ZBTB20: variants seen among roughly 807,000 people sequenced by gnomAD.
The protein encoded by ZBTB20 is zinc finger and BTB domain-containing protein 20.
ZBTB20 carries 9 observed loss-of-function variants against 56.9 expected under a neutral mutation model. The ratio of observed to expected loss-of-function variants is 0.16; its 90% CI spans 0.10 to 0.28. ZBTB20 has a LOEUF of 0.28. ZBTB20 is among the 10% of genes least tolerant of loss of function. ZBTB20 has a pLI of 1.00. For synonymous variants in ZBTB20, 417 were observed against 420.7 expected (o/e 0.99, Z 0.11); for missense variants, 655 against 1,003.0 (o/e 0.65, Z 4.69).
chr3:114,686,704 C>G (rs1005681658), intron 6 of ZBTB20, among the ~76,000 whole-genome samples: 3 of 152,100 alleles, frequency 2.0e-5, no homozygotes, highest in African/African-American at 7.2e-5. Context: ...TCTGAATCCT[C>G]GAAAAACCAC....
At chr3:114,576,172 A>T (rs1397714912) in intron 6 of ZBTB20, among the ~76,000 whole-genome samples, 2 of 152,046 alleles carry the variant, frequency 1.3e-5, no homozygotes, top group African/African-American at 4.8e-5. Flanking sequence ...GTTACAGAAT[A>T]CTCGACTACT....
intron 5 of ZBTB20, among the ~76,000 whole-genome samples, chr3:114,695,618 T>C (rs1056526396): frequency 8.0e-5 from 12 of 150,104 alleles, no homozygotes; most frequent in African/African-American, 2.9e-4. Flanking sequence ...TGTTCTAAGT[T>C]TTTTTTTTTT....
At chr3:115,023,079 T>A (rs1324697522) in intron 2 of ZBTB20, among the ~76,000 whole-genome samples, 1 of 150,846 alleles carries the variant, frequency 6.6e-6, no homozygotes, top group Non-Finnish European at 1.5e-5. Context: ...AGTGTTCTCT[T>A]GGAGTTAGAA....
intron 7 of ZBTB20, among the ~76,000 whole-genome samples, chr3:114,458,728 G>GTT (rs78333698): frequency 6.8e-6 from 1 of 146,094 alleles, no homozygotes; most frequent in African/African-American, 2.5e-5. Flanking sequence ...TACTTGACAG[G>GTT]TTTTTTTTTT....
intron 6 of ZBTB20, among the ~76,000 whole-genome samples, chr3:114,539,636 T>TA (rs2048883459): frequency 1.3e-5 from 2 of 152,196 alleles, no homozygotes; most frequent in African/African-American, 4.8e-5. Flanking sequence ...CCTACATACT[T>TA]ACTGCTTTTC....
At position 114,351,438 on chromosome 3, in the gene ZBTB20, C is replaced by T. The variant is rs781599341; in HGVS notation, c.640G>A (p.Gly214Ser). The T allele has an allele frequency of 6.2e-7, 1 of 1,613,412 alleles. No individual in the cohort carries two copies. Among genetic ancestry groups the T allele is most frequent in the Non-Finnish European group, 8.5e-7 (1 of 1,180,002 alleles). The change falls in exon 11 of 12, where the codon GGC becomes AGC. Residue 214 changes from glycine to serine, a missense_variant. Coordinates refer to ENST00000675478, the MANE Select transcript of ZBTB20 (RefSeq NM_001348800.3). Reference protein sequence around the residue: ...IQDSGQDTPRGTPESGTSGQS... With the variant: ...IQDSGQDTPRSTPESGTSGQS... ...CCTGACGTGCCTGACTCGGGAGTGC[C>T]CCGCGGCGTGTCCTGGCCCGAGTCC... is the stretch of plus-strand genomic sequence containing the variant.
In ZBTB20 at chr3:114,337,156, C is replaced by G. The variant is rs1481637343; in HGVS notation, c.*1849G>C. The G allele has an allele frequency of 6.6e-6, 1 of 152,114 alleles. No homozygotes were observed. Among genetic ancestry groups the G allele is most frequent in the Non-Finnish European group, 1.5e-5 (1 of 68,034 alleles). 9.4% of individuals were successfully genotyped at this position (152,114 alleles called of 1,614,324 possible). A position where few individuals can be genotyped will look rare whatever the true frequency, so the allele number is the denominator to read the frequency against. On this transcript the variant is annotated 3_prime_UTR_variant, in exon 12 of 12. Coordinates refer to ENST00000675478, the MANE Select transcript of ZBTB20 (RefSeq NM_001348800.3). ...CCTTTCGAAGAAGCAAGGGTTAATT[C>G]GTCATCTAAAGAATGATCATCTTAT...
rs950432106 is a variant in ZBTB20 at position 114,939,411 on chromosome 3, T to C, written c.-456+34955A>G. ...CTTATATTTTAAGTAAAATTGAAAA[T>C]AGAGATAAAATATGGTATAACTTTT... On this transcript the variant is annotated intron_variant, in intron 3 of 11. Coordinates refer to ENST00000675478, the MANE Select transcript of ZBTB20 (RefSeq NM_001348800.3). Among the ~76,000 whole-genome samples the C allele has an allele frequency of 8.0e-4, 117 of 146,282 alleles. 7 individuals carry two copies. Among genetic ancestry groups the C allele is most frequent in the Admixed American group, 7.7e-3 (116 of 15,158 alleles).
intron 3 of ZBTB20, among the ~76,000 whole-genome samples, chr3:114,935,931 G>A (rs1483079176): frequency 6.6e-6 from 1 of 152,098 alleles, no homozygotes; most frequent in Non-Finnish European, 1.5e-5. Flanking sequence ...AGATCATAAT[G>A]AGCATCTATC....
At chr3:114,480,874 T>C (rs563172114) in intron 7 of ZBTB20, among the ~76,000 whole-genome samples, 9 of 152,202 alleles carry the variant, frequency 5.9e-5, no homozygotes, top group Non-Finnish European at 8.8e-5. Flanking sequence ...AATATTATCA[T>C]TTTCCATTTT....
intron 2 of ZBTB20, among the ~76,000 whole-genome samples, chr3:115,005,433 T>C (rs1290365496): frequency 6.6e-6 from 1 of 151,768 alleles, no homozygotes; most frequent in Non-Finnish European, 1.5e-5. Context: ...ACAGTTTATA[T>C]CTGACTAGAT....
At chr3:115,031,166 C>T (rs966394889) in intron 2 of ZBTB20, among the ~76,000 whole-genome samples, 2 of 151,444 alleles carry the variant, frequency 1.3e-5, no homozygotes, top group African/African-American at 2.4e-5. Context: ...ATCAAAAGAA[C>T]AGCTTCGGCT....
intron 1 of ZBTB20, among the ~76,000 whole-genome samples, chr3:115,088,607 T>A (rs1168912336): frequency 1.3e-5 from 2 of 151,860 alleles, no homozygotes; most frequent in African/African-American, 2.4e-5. Flanking sequence ...TATTAAATAT[T>A]TAAAAAATAT....
chr3:114,741,086 C>A (rs1393312713), intron 5 of ZBTB20, among the ~76,000 whole-genome samples: 1 of 152,186 alleles, frequency 6.6e-6, no homozygotes, highest in African/African-American at 2.4e-5. Flanking sequence ...ACGGTTACCA[C>A]CATGGAACAT....
chr3:114,706,515 AC>A (rs1166584593), intron 5 of ZBTB20, among the ~76,000 whole-genome samples: 2 of 152,114 alleles, frequency 1.3e-5, no homozygotes, highest in African/African-American at 4.8e-5. Context: ...GCACTTAATA[AC>A]CCTTGACTTT....
intron 6 of ZBTB20, among the ~76,000 whole-genome samples, chr3:114,582,914 C>T (rs2107498647): frequency 6.6e-6 from 1 of 152,280 alleles, no homozygotes; most frequent in South Asian, 2.1e-4. Context: ...GAATCTCAGG[C>T]TTCCTTAAGT....
intron 6 of ZBTB20, chr3:114,599,356 T>C (rs905941089): frequency 6.6e-6 from 1 of 152,092 alleles, no homozygotes; most frequent in South Asian, 2.1e-4. Flanking sequence ...CCTAATAAAG[T>C]TGAAGGAAAA....
chr3:114,384,409 A>C (rs2084828984), intron 8 of ZBTB20, among the ~76,000 whole-genome samples: 1 of 152,002 alleles, frequency 6.6e-6, no homozygotes, highest in Non-Finnish European at 1.5e-5. Context: ...CCACAGAGAA[A>C]CAGACCAATC....
At chr3:114,837,458 G>A (rs1432485097) in intron 4 of ZBTB20, among the ~76,000 whole-genome samples, 1 of 152,118 alleles carries the variant, frequency 6.6e-6, no homozygotes, top group African/African-American at 2.4e-5. Context: ...AGGTGCCTAT[G>A]GGTCAAAGTT....
Sources: allele counts gnomAD v4.1 joint callset (sites outside exome capture counted in the v4.1 genomes callset), GRCh38; gene constraint gnomAD v4.1.1; transcripts MANE v1.5; gene names NCBI Gene and HGNC (gene_info 2026-07-23, HGNC 2026-07-21).